SRPK2: variants seen among roughly 807,000 people sequenced by gnomAD.
SRPK2 encodes SFRS protein kinase 2.
Under a neutral mutation model 90.8 loss-of-function variants are expected in SRPK2, and 21 were observed. The ratio of observed to expected loss-of-function variants is 0.23; its 90% CI spans 0.16 to 0.33. The LOEUF (loss-of-function observed/expected upper bound fraction) is 0.33. Among genes scored for constraint, SRPK2 ranks in the 10% least tolerant of loss-of-function variants. SRPK2 has a pLI of 1.00. For synonymous variants in SRPK2, 288 were observed against 311.1 expected (o/e 0.93, Z 0.78); for missense variants, 620 against 869.0 (o/e 0.71, Z 3.60).
intron 2 of SRPK2, among the ~76,000 whole-genome samples, chr7:105,356,880 G>A (rs554666920): frequency 2.6e-5 from 4 of 152,224 alleles, no homozygotes; most frequent in Admixed American, 1.3e-4. Flanking sequence ...GAAAGACCCT[G>A]AGACAGCTAG....
chr7:105,147,200 TA>T (rs1213969015), intron 7 of SRPK2, among the ~76,000 whole-genome samples: 2 of 152,218 alleles, frequency 1.3e-5, no homozygotes, highest in Non-Finnish European at 1.5e-5. Flanking sequence ...ATGTGATCAT[TA>T]AGGATTCTGA....
At chr7:105,285,588 G>C (rs1300387181) in intron 2 of SRPK2, among the ~76,000 whole-genome samples, 2 of 152,102 alleles carry the variant, frequency 1.3e-5, no homozygotes, top group African/African-American at 4.8e-5. Context: ...GAGGTGTTTG[G>C]ATCACGGGGA....
At chr7:105,177,941 A>ACGG (rs1792197279) in intron 3 of SRPK2, among the ~76,000 whole-genome samples, 1 of 151,730 alleles carries the variant, frequency 6.6e-6, no homozygotes, top group South Asian at 2.1e-4. Flanking sequence ...AGGCAGGAGA[A>ACGG]CGGCGTGAAC....
At chr7:105,204,398 T>G (rs1795941501) in intron 2 of SRPK2, among the ~76,000 whole-genome samples, 1 of 152,218 alleles carries the variant, frequency 6.6e-6, no homozygotes, top group Non-Finnish European at 1.5e-5. Flanking sequence ...AAGCGGTGTG[T>G]GTGTGTGTGT....
At chr7:105,262,838 A>T (rs1460209061) in intron 2 of SRPK2, among the ~76,000 whole-genome samples, 1 of 152,236 alleles carries the variant, frequency 6.6e-6, no homozygotes, top group Non-Finnish European at 1.5e-5. Flanking sequence ...AAATGGAGGG[A>T]AAGGTAAGAG....
intron 2 of SRPK2, among the ~76,000 whole-genome samples, chr7:105,327,342 G>A (rs922543083): frequency 2.0e-5 from 3 of 152,182 alleles, no homozygotes; most frequent in African/African-American, 7.2e-5. Flanking sequence ...TTTATCTATG[G>A]TCCATGGCTG....
chr7:105,248,435 TTAAAAAAAAAA>T (rs1802015392), intron 2 of SRPK2, among the ~76,000 whole-genome samples: 2 of 109,594 alleles, frequency 1.8e-5, no homozygotes, highest in African/African-American at 6.8e-5. Context: ...TACAAAAAAT[TTAAAAAAAAAA>T]AAAAAAAAAA....
At chr7:105,193,569 G>T (rs1261876027) in intron 3 of SRPK2, among the ~76,000 whole-genome samples, 1 of 152,136 alleles carries the variant, frequency 6.6e-6, no homozygotes, top group Non-Finnish European at 1.5e-5. Context: ...GTTCTGTGAA[G>T]AATGACGGTA....
At chr7:105,127,569 A>T (rs967319674) in intron 13 of SRPK2, among the ~76,000 whole-genome samples, 1 of 152,190 alleles carries the variant, frequency 6.6e-6, no homozygotes, top group Non-Finnish European at 1.5e-5. Context: ...TTCATTTCTG[A>T]TTCAACCAAA....
chr7:105,394,448 G>A (rs1424628719), intron 1 of SRPK2, among the ~76,000 whole-genome samples: 1 of 152,102 alleles, frequency 6.6e-6, no homozygotes, highest in Admixed American at 6.6e-5. Flanking sequence ...CCAATTTGTG[G>A]CCAGAGTCTT....
At chr7:105,383,854 G>A (rs1821237770) in intron 2 of SRPK2, among the ~76,000 whole-genome samples, 1 of 152,154 alleles carries the variant, frequency 6.6e-6, no homozygotes, top group East Asian at 1.9e-4. Context: ...TTGTTCTAAG[G>A]AAACCAGACA....
chr7:105,360,669 C>A (rs1047895164), intron 2 of SRPK2, among the ~76,000 whole-genome samples: 4 of 152,122 alleles, frequency 2.6e-5, no homozygotes, highest in African/African-American at 4.8e-5. Context: ...GTTAAAAATT[C>A]TTTTAAGAAT....
chr7:105,209,528 A>G (rs964056802), intron 2 of SRPK2, among the ~76,000 whole-genome samples: 2 of 151,832 alleles, frequency 1.3e-5, no homozygotes, highest in Non-Finnish European at 1.5e-5. Context: ...ACAGAGTGAG[A>G]CCCTGTCTCA....
intron 2 of SRPK2, among the ~76,000 whole-genome samples, chr7:105,368,404 A>G (rs1660722708): frequency 6.6e-6 from 1 of 152,170 alleles, no homozygotes; most frequent in Non-Finnish European, 1.5e-5. Flanking sequence ...CAAAGGAAGG[A>G]GTTAAAAGTA....
At chr7:105,386,073 A>C (rs557184332) in intron 2 of SRPK2, among the ~76,000 whole-genome samples, 6 of 151,270 alleles carry the variant, frequency 4.0e-5, no homozygotes, top group Non-Finnish European at 8.9e-5. Flanking sequence ...CCAGCACTTT[A>C]GGAGGCCGAG....
chr7:105,306,611 G>A lies in SRPK2; in HGVS notation c.71+82037C>T, dbSNP rs533335425. On this transcript the variant is annotated intron_variant, in intron 2 of 15. Transcript: ENST00000393651. ...AACAGTCATGAAGAAAAAACATGTT[G>A]GCTAACTGCTATCCTCTCGTTGGCA... is the stretch of plus-strand genomic sequence containing the variant. The A allele has an allele frequency of 2.9e-4, 119 of 406,886 alleles. 1 individual carries two copies. The highest frequency in any genetic ancestry group is 2.1e-3 in the South Asian group (117 of 56,174). The allele number at this position is 406,886 out of a possible 1,614,324, so 25.2% of individuals were successfully genotyped here.
intron 15 of SRPK2, among the ~76,000 whole-genome samples, chr7:105,124,300 C>A (rs1800809515): frequency 6.6e-6 from 1 of 152,168 alleles, no homozygotes; most frequent in Non-Finnish European, 1.5e-5. Context: ...CCGCTGTGCA[C>A]AGTATGGAGT....
At chr7:105,216,794 T>C (rs1048996749) in intron 2 of SRPK2, among the ~76,000 whole-genome samples, 1 of 152,222 alleles carries the variant, frequency 6.6e-6, no homozygotes, top group Admixed American at 6.5e-5. Context: ...TACAGCTTTC[T>C]GGTAACAAGG....
intron 2 of SRPK2, among the ~76,000 whole-genome samples, chr7:105,334,016 G>A (rs959163654): frequency 4.6e-5 from 7 of 152,034 alleles, no homozygotes; most frequent in South Asian, 2.1e-4. Flanking sequence ...TCCGCCTTCC[G>A]GTTTCAAGTC....
Sources: allele counts gnomAD v4.1 joint callset (sites outside exome capture counted in the v4.1 genomes callset), GRCh38; gene constraint gnomAD v4.1.1; transcripts MANE v1.5; gene names NCBI Gene and HGNC (gene_info 2026-07-23, HGNC 2026-07-21).